Variants in ERG observed in about 807,000 individuals in gnomAD.
ERG encodes the protein transcriptional regulator ERG.
In ERG, 9 loss-of-function variants were observed where a neutral mutation model predicts 55.3. That is an observed-to-expected ratio of 0.16 (90% CI 0.10 to 0.28). ERG has a LOEUF of 0.28. ERG is among the 10% of genes least tolerant of loss of function. The pLI is 1.00. For missense variants in ERG, 434 were observed against 631.6 expected, an observed-to-expected ratio of 0.69 and a Z score of 3.35; for synonymous variants, 223 against 237.3, an observed-to-expected ratio of 0.94 and a Z score of 0.55.
Position 38,520,247 on chromosome 21 carries a change from G to A in ERG, c.-41+55415C>T, listed in dbSNP as rs193274006. 5.1e-3 allele frequency among the ~76,000 whole-genome samples: 784 copies of A among 152,272 alleles called. 8 individuals are homozygous for A. Among genetic ancestry groups the A allele is most frequent in the African/African-American group, 0.018 (751 of 41,548 alleles). On this transcript the variant is annotated intron_variant, in intron 2 of 8. Transcript: ENST00000398897. ...TCCCAAGACCCTTCTTGTCCCTTGGGAAGAGCCAGGAGCTGGAGGGGATGG... is the reference window on the plus strand; with the variant it reads ...TCCCAAGACCCTTCTTGTCCCTTGGAAAGAGCCAGGAGCTGGAGGGGATGG...
At position 38,382,670 on chromosome 21, in the gene ERG, C is replaced by T. The variant is rs1987502715; in HGVS notation, c.*733G>A. ...AAGTTTCTTTCCCAGCCCTGGTCTC[C>T]TCCTTCTCTGCCTCTTCCTCCTCCT... On this transcript the variant is annotated 3_prime_UTR_variant, in exon 10 of 10. Coordinates refer to ENST00000288319, the MANE Select transcript of ERG (RefSeq NM_182918.4). 1 of 1,067,110 alleles carries T rather than the reference C, an allele frequency of 9.4e-7. No homozygotes were observed. The highest frequency in any genetic ancestry group is 1.1e-6 in the Non-Finnish European group (1 of 880,202). The allele number at this position is 1,067,110 out of a possible 1,614,324, so 66.1% of individuals were successfully genotyped here. A position where few individuals can be genotyped will look rare whatever the true frequency, so the allele number is the denominator to read the frequency against.
intron 2 of ERG, among the ~76,000 whole-genome samples, chr21:38,567,405 C>T (rs1423756550): frequency 4.5e-4 from 69 of 152,136 alleles, no homozygotes; most frequent in Non-Finnish European, 2.9e-5. Flanking sequence ...ATTGTGCCAT[C>T]ATCCTGCAGA....
chr21:38,639,998 C>T (rs943022235), intron 1 of ERG, among the ~76,000 whole-genome samples: 7 of 152,102 alleles, frequency 4.6e-5, no homozygotes, highest in Admixed American at 4.6e-4. Context: ...TCCCCCACAA[C>T]AAAACAATAA....
chr21:38,580,730 CTT>C (rs2060023391), intron 1 of ERG, among the ~76,000 whole-genome samples: 1 of 152,132 alleles, frequency 6.6e-6, no homozygotes, highest in Non-Finnish European at 1.5e-5. Flanking sequence ...TAGAAACAAA[CTT>C]GATTTGAATT....
intron 1 of ERG, among the ~76,000 whole-genome samples, chr21:38,624,218 A>G (rs995491367): frequency 4.3e-5 from 6 of 139,912 alleles, no homozygotes; most frequent in Non-Finnish European, 6.1e-5. Context: ...TACACCAAGC[A>G]CCTGGCTGCA....
chr21:38,649,013 T>C (rs1435701585), intron 1 of ERG, among the ~76,000 whole-genome samples: 1 of 152,208 alleles, frequency 6.6e-6, no homozygotes, highest in African/African-American at 2.4e-5. Flanking sequence ...CTGACTCTAC[T>C]GGGAGTCACT....
chr21:38,442,178 G>C (rs772115157), intron 2 of ERG, among the ~76,000 whole-genome samples: 14 of 152,164 alleles, frequency 9.2e-5, no homozygotes, highest in Admixed American at 3.9e-4. Flanking sequence ...GGCCAAGATG[G>C]GTGGATTGAG....
At chr21:38,423,584 C>G (rs1301734898) in intron 2 of ERG, 23 bp from the exon 3 acceptor site, 1 of 1,594,200 alleles carries the variant, frequency 6.3e-7, no homozygotes, top group Admixed American at 1.7e-5. Flanking sequence ...AAATATTCTT[C>G]CATTATAACA....
intron 2 of ERG, among the ~76,000 whole-genome samples, chr21:38,512,713 C>T (rs1427866832): frequency 6.6e-6 from 1 of 152,106 alleles, no homozygotes; most frequent in African/African-American, 2.4e-5. Flanking sequence ...CTTTTCAAGT[C>T]AAACAGTTGA....
intron 2 of ERG, among the ~76,000 whole-genome samples, chr21:38,443,185 G>T (rs182507794): frequency 6.6e-6 from 1 of 152,176 alleles, no homozygotes; most frequent in East Asian, 1.9e-4. Context: ...CACTGTTCTC[G>T]CCTCCTCACT....
rs1399571183 is a variant in ERG, at chr21:38,380,332, G to A, written c.*3071C>T. The A allele has an allele frequency of 8.5e-6, 9 of 1,058,084 alleles. No individual in the cohort carries two copies. The highest frequency in any genetic ancestry group is 1.0e-5 in the Non-Finnish European group (9 of 874,774). 65.5% of individuals were successfully genotyped at this position (1,058,084 alleles called of 1,614,324 possible). ...CTGTGCAGAAGGCTTAGGAGAAGCAGTGAGCCTTCTAACTGCAGCAGTCCT... is the reference window on the plus strand; with the variant it reads ...CTGTGCAGAAGGCTTAGGAGAAGCAATGAGCCTTCTAACTGCAGCAGTCCT... On this transcript the variant is annotated 3_prime_UTR_variant, in exon 10 of 10. Coordinates refer to ENST00000288319, the MANE Select transcript of ERG (RefSeq NM_182918.4).
At chr21:38,385,541 G>T (rs548483889) in intron 9 of ERG, among the ~76,000 whole-genome samples, 1 of 152,166 alleles carries the variant, frequency 6.6e-6, no homozygotes, top group Non-Finnish European at 1.5e-5. Flanking sequence ...CATGGACATG[G>T]ATATTTTTGT....
chr21:38,505,524 T>A (rs1368850853), intron 2 of ERG, among the ~76,000 whole-genome samples: 1 of 152,196 alleles, frequency 6.6e-6, no homozygotes, highest in Non-Finnish European at 1.5e-5. Context: ...ATCAGTAAAT[T>A]TGTTGTTGTC....
Position 38,481,344 on chromosome 21 carries a change from C to T in ERG, c.18+17019G>A, listed in dbSNP as rs185941299. 5.1e-4 allele frequency among the ~76,000 whole-genome samples: 78 copies of T among 152,220 alleles called. No individual in the cohort carries two copies. In the East Asian group the frequency reaches 0.013, roughly 26 times the overall value. On this transcript the variant is annotated intron_variant, in intron 1 of 9. Transcript: ENST00000288319. ...AGGAAACAGAGTAGCACTTTACATG[C>T]GGACGCTGTGGAAACAATGGTGATA...
intron 1 of ERG, among the ~76,000 whole-genome samples, chr21:38,600,764 GTTTTTGT>G (rs1466266807): frequency 6.6e-6 from 1 of 152,132 alleles, no homozygotes; most frequent in East Asian, 1.9e-4. Context: ...ATGCCAAGAG[GTTTTTGT>G]TTGTATTCTT....
intron 1 of ERG, among the ~76,000 whole-genome samples, chr21:38,493,350 GTAAA>G (rs1382780864): frequency 1.3e-5 from 2 of 152,158 alleles, no homozygotes; most frequent in East Asian, 3.8e-4. Flanking sequence ...GAAAATGCTT[GTAAA>G]ACAATGCTAA....
chr21:38,542,162 T>A (rs2059757555), intron 2 of ERG, among the ~76,000 whole-genome samples: 1 of 152,108 alleles, frequency 6.6e-6, no homozygotes, highest in African/African-American at 2.4e-5. Flanking sequence ...TTTTTTTACA[T>A]TTTTGGTAGA....
chr21:38,533,870 T>G (rs1248300199), intron 2 of ERG, among the ~76,000 whole-genome samples: 1 of 152,172 alleles, frequency 6.6e-6, no homozygotes, highest in Non-Finnish European at 1.5e-5. Flanking sequence ...CCTCTTAAAA[T>G]AGCCTGCCTT....
At chr21:38,394,402 G>A (rs1296241861) in intron 6 of ERG, among the ~76,000 whole-genome samples, 1 of 151,626 alleles carries the variant, frequency 6.6e-6, no homozygotes, top group Non-Finnish European at 1.5e-5. Flanking sequence ...CCCCAGGCTG[G>A]AGTGCAGTGG....
Sources: gnomAD v4.1 joint callset for allele counts (sites outside exome capture counted in the v4.1 genomes callset) on GRCh38, gnomAD v4.1.1 for gene constraint, MANE v1.5 for transcripts, NCBI Gene and HGNC (gene_info 2026-07-23, HGNC 2026-07-21) for gene names.